FTO: variants seen among roughly 807,000 people sequenced by gnomAD.
FTO encodes FTO alpha-ketoglutarate dependent dioxygenase, also known as alpha-ketoglutarate-dependent dioxygenase FTO.
A neutral mutation model predicts 63.9 loss-of-function variants in FTO; 47 were observed. The observed-to-expected ratio is 0.74, with a 90% CI of 0.58 to 0.94. The LOEUF is 0.94. Ranked by LOEUF, FTO falls within the 40% of genes least tolerant of loss-of-function variation. The pLI, the probability that FTO is intolerant of heterozygous loss-of-function variation, is 0.00. For synonymous variants in FTO, 207 were observed against 224.4 expected (o/e 0.92, Z 0.69); for missense variants, 562 against 618.1 (o/e 0.91, Z 0.96).
At chr16:53,882,373 GA>G (rs4002060) in intron 6 of FTO, among the ~76,000 whole-genome samples, 7,876 of 144,524 alleles carry the variant, frequency 0.054, 275 homozygotes, top group African/African-American at 0.1. Context: ...AGTGCTACAG[GA>G]AAAAAAAAAA....
At chr16:54,025,649 G>A (rs2084696307) in intron 8 of FTO, among the ~76,000 whole-genome samples, 1 of 151,994 alleles carries the variant, frequency 6.6e-6, no homozygotes, top group African/African-American at 2.4e-5. Flanking sequence ...CTTCAACTGG[G>A]AGGCAGGGGT....
intron 8 of FTO, among the ~76,000 whole-genome samples, chr16:54,086,146 C>T (rs758592217): frequency 5.3e-5 from 8 of 152,232 alleles, no homozygotes; most frequent in Middle Eastern, 3.4e-3. Flanking sequence ...GGAAGCCCCA[C>T]GAAACCCCTT....
At chr16:54,076,300 C>T (rs1331013183) in intron 8 of FTO, among the ~76,000 whole-genome samples, 3 of 152,114 alleles carry the variant, frequency 2.0e-5, no homozygotes, top group African/African-American at 7.2e-5. Context: ...AGCTTTATGC[C>T]AGCAGTAGGA....
chr16:53,934,545 G>A (rs2082346817), intron 8 of FTO, among the ~76,000 whole-genome samples: 1 of 152,080 alleles, frequency 6.6e-6, no homozygotes, highest in East Asian at 1.9e-4. Flanking sequence ...ATGGGGATAG[G>A]TTCTGAGAAA....
chr16:53,880,104 C>T lies in FTO; in HGVS notation c.1119+117C>T, dbSNP rs113562432. 2,177 of 754,858 alleles carry T rather than the reference C, an allele frequency of 2.9e-3. 6 individuals are homozygous for T. The highest frequency in any genetic ancestry group is 4.1e-3 in the Non-Finnish European group (1,854 of 449,450). 46.8% of individuals were successfully genotyped at this position (754,858 alleles called of 1,614,324 possible). A position where few individuals can be genotyped will look rare whatever the true frequency, so the allele number is the denominator to read the frequency against. ...CCATCTCCCAGGTTCAAGTGATCCT[C>T]CTGTCTCAAGCTCCCGAATAGGTGG... is the stretch of plus-strand genomic sequence containing the variant. On this transcript the variant is annotated intron_variant, in intron 6 of 8. Transcript: ENST00000471389.
intron 2 of FTO, among the ~76,000 whole-genome samples, chr16:53,815,891 C>T (rs148949890): frequency 0.16 from 24,187 of 151,778 alleles, 2,570 homozygotes; most frequent in East Asian, 0.55. Flanking sequence ...TCAAGTGATC[C>T]GCCTGCCTCG....
At chr16:54,066,675 T>C (rs2144421677) in intron 8 of FTO, among the ~76,000 whole-genome samples, 1 of 152,372 alleles carries the variant, frequency 6.6e-6, no homozygotes, top group East Asian at 1.9e-4. Context: ...TGCTGACTCA[T>C]GTCCCAGGCA....
chr16:54,101,342 T>C (rs1445229724), intron 8 of FTO, among the ~76,000 whole-genome samples: 1 of 152,200 alleles, frequency 6.6e-6, no homozygotes, highest in Admixed American at 6.5e-5. Context: ...TCATAGGTTC[T>C]TATCATTTAA....
At chr16:53,820,323 C>G (rs1414868430) in intron 2 of FTO, among the ~76,000 whole-genome samples, 1 of 151,948 alleles carries the variant, frequency 6.6e-6, no homozygotes, top group Non-Finnish European at 1.5e-5. Context: ...GTACTATCTT[C>G]TTTTAGGAGC....
intron 2 of FTO, among the ~76,000 whole-genome samples, chr16:53,816,753 G>A (rs144077271): frequency 1.8e-4 from 28 of 152,064 alleles, no homozygotes; most frequent in African/African-American, 4.3e-4. Flanking sequence ...CTACTTTCTC[G>A]GCTTTATTTT....
At chr16:53,873,927 C>A in intron 5 of FTO, 62 bp downstream of exon 5, 1 of 1,206,536 alleles carries the variant, frequency 8.3e-7, no homozygotes, top group Non-Finnish European at 1.2e-6. Flanking sequence ...GTTGAATGAG[C>A]AATTTACTAT....
At chr16:53,956,448 G>A (rs981705044) in intron 8 of FTO, among the ~76,000 whole-genome samples, 2 of 152,052 alleles carry the variant, frequency 1.3e-5, no homozygotes, top group Non-Finnish European at 2.9e-5. Flanking sequence ...GAAGAAAGCA[G>A]ATCTAGTCAC....
chr16:53,788,229 T>TCGTCTTTATTTTTTCTCTAC (rs2077801210), intron 1 of FTO, among the ~76,000 whole-genome samples: 1 of 150,570 alleles, frequency 6.6e-6, no homozygotes, highest in Admixed American at 6.6e-5. Context: ...TCTTTCTCTT[T>TCGTCTTTATTTTTTCTCTAC]CGTCTTTATT....
chr16:53,883,001 G>A (rs968313636), intron 6 of FTO, among the ~76,000 whole-genome samples: 8 of 152,210 alleles, frequency 5.3e-5, no homozygotes, highest in Middle Eastern at 3.4e-3. Flanking sequence ...AGTCCCTGCT[G>A]GAGACATTGC....
chr16:53,720,926 A>G (rs1337963967), intron 1 of FTO, among the ~76,000 whole-genome samples: 1 of 151,920 alleles, frequency 6.6e-6, no homozygotes, highest in African/African-American at 2.4e-5. Context: ...AGTAGCTGAG[A>G]CTACAGGTTT....
At chr16:54,005,337 A>G (rs1350169402) in intron 8 of FTO, among the ~76,000 whole-genome samples, 2 of 147,296 alleles carry the variant, frequency 1.4e-5, no homozygotes, top group Admixed American at 6.8e-5. Context: ...TTTATTTTAT[A>G]TATATAAATT....
intron 8 of FTO, among the ~76,000 whole-genome samples, chr16:54,108,822 A>G (rs1336099862): frequency 6.6e-6 from 1 of 152,158 alleles, no homozygotes. Context: ...CCAAGACGTC[A>G]TGCCCCTGGA....
At chr16:53,717,847 G>A (rs546395296) in intron 1 of FTO, among the ~76,000 whole-genome samples, 12 of 152,036 alleles carry the variant, frequency 7.9e-5, no homozygotes, top group African/African-American at 2.2e-4. Flanking sequence ...AATCAGATCT[G>A]CTTTTTATCC....
chr16:53,851,874 A>G (rs2079808167), intron 4 of FTO, among the ~76,000 whole-genome samples: 1 of 152,036 alleles, frequency 6.6e-6, no homozygotes, highest in African/African-American at 2.4e-5. Flanking sequence ...CCTATCCCCA[A>G]GTTCCATCCC....
Sources: allele counts gnomAD v4.1 joint callset (sites outside exome capture counted in the v4.1 genomes callset), GRCh38; gene constraint gnomAD v4.1.1; transcripts MANE v1.5; gene names NCBI Gene and HGNC (gene_info 2026-07-23, HGNC 2026-07-21).